ERAP1: variants seen among roughly 807,000 people sequenced by gnomAD.
The protein encoded by ERAP1 is adipocyte-derived leucine aminopeptidase.
In ERAP1, 86 loss-of-function variants were observed where a neutral mutation model predicts 103.7. The observed-to-expected ratio is 0.83, with a 90% CI of 0.70 to 0.99. The LOEUF (loss-of-function observed/expected upper bound fraction) is 0.99, where lower values mean the gene tolerates loss of function less well. Among genes scored for constraint, ERAP1 ranks in the 50% least tolerant of loss-of-function variants. The probability of loss-of-function intolerance (pLI) is 0.00; values close to 1 mark genes in which losing one functional copy is unlikely to be tolerated. For synonymous variants in ERAP1, 398 were observed against 402.4 expected, an observed-to-expected ratio of 0.99 and a Z score of 0.13; for missense variants, 1,009 against 1,128.4, an observed-to-expected ratio of 0.89 and a Z score of 1.52.
the ERAP1 span, chr5:96,822,920 C>CG: frequency 2.7e-6 from 1 of 376,550 alleles, no homozygotes; most frequent in Non-Finnish European, 5.3e-6. Context: ...AGGTGTCATC[C>CG]AGGGATACAG....
chr5:96,803,847 G>C lies in ERAP1; in HGVS notation c.80C>G (p.Ser27Cys). 6.2e-7 allele frequency: 1 copy of C among 1,614,012 alleles called. No homozygotes were observed. Among genetic ancestry groups the C allele is most frequent in the Non-Finnish European group, 8.5e-7 (1 of 1,180,040 alleles). ...LSSLLALLTV[S>C]TPSWCQSTEA... ...AGTGCTCTGACACCATGAAGGAGTG[G>C]ACACAGTTAAGAGAGCCAACAGTGA... The change falls in exon 2 of 19, where the codon TCC (serine) becomes TGC (cysteine). Residue 27 changes from serine to cysteine, a missense_variant. Physicochemically the swap from Ser to Cys is moderately radical, Grantham distance 112 (BLOSUM62 -1). Coordinates refer to ENST00000443439, the MANE Select transcript of ERAP1 (RefSeq NM_001040458.3).
At chr5:96,816,438 C>T in the ERAP1 span, among the ~76,000 whole-genome samples, 1 of 152,170 alleles carries the variant, frequency 6.6e-6, no homozygotes, top group Admixed American at 6.5e-5. Context: ...CCCGCCTCTG[C>T]AGCTAACAGG....
the ERAP1 span, among the ~76,000 whole-genome samples, chr5:96,847,009 TG>T: frequency 6.7e-6 from 1 of 149,544 alleles, no homozygotes; most frequent in African/African-American, 2.5e-5. Context: ...GAGGCTGAGA[TG>T]GATGGATTGC....
chr5:96,763,017 C>A, exon 20 of ERAP1: 1 of 686,612 alleles, frequency 1.5e-6, no homozygotes. Flanking sequence ...ACCAAGGAGA[C>A]CACAGCACAT....
At chr5:96,796,238 G>T (rs1235389875) in intron 4 of ERAP1, among the ~76,000 whole-genome samples, 1 of 152,146 alleles carries the variant, frequency 6.6e-6, no homozygotes, top group Non-Finnish European at 1.5e-5. Context: ...AACACATAAG[G>T]TATCTTCAAA....
chr5:96,806,530 T>C (rs1172326969), intron 1 of ERAP1, among the ~76,000 whole-genome samples: 1 of 152,170 alleles, frequency 6.6e-6, no homozygotes, highest in Non-Finnish European at 1.5e-5. Context: ...GAACCATTCA[T>C]GTAACTTTGC....
At chr5:96,791,956 G>T (rs1776775525) in intron 8 of ERAP1, 105 bp downstream of exon 8, 6 of 1,224,862 alleles carry the variant, frequency 4.9e-6, no homozygotes, top group Non-Finnish European at 3.6e-6. Flanking sequence ...AAGAGAGAAG[G>T]CATTCAATCT....
chr5:96,895,388 A>T, the ERAP1 span: 2 of 1,368,648 alleles, frequency 1.5e-6, no homozygotes, highest in African/African-American at 2.9e-5. Flanking sequence ...GTATCATACT[A>T]TATGGTGTAA....
Position 96,775,682 on chromosome 5 carries a change from G to T in ERAP1, c.*714C>A. The T allele has an allele frequency of 4.4e-6, 1 of 227,614 alleles. No homozygotes were observed. Among genetic ancestry groups the T allele is most frequent in the Non-Finnish European group, 7.3e-6 (1 of 137,092 alleles). The allele number at this position is 227,614 out of a possible 1,614,324, so 14.1% of individuals were successfully genotyped here. On this transcript the variant is annotated 3_prime_UTR_variant, in exon 19 of 19. Coordinates refer to ENST00000443439, the MANE Select transcript of ERAP1 (RefSeq NM_001040458.3). Reference sequence around the variant, plus strand: ...ATCCTGAAGGGATGAGGAGGGAGCAGTTACCAAAATCCAGAGGTGGAGAAG... The same window carrying T: ...ATCCTGAAGGGATGAGGAGGGAGCATTTACCAAAATCCAGAGGTGGAGAAG...
At chr5:96,902,743 G>T in the ERAP1 span, 1 of 167,736 alleles carries the variant, frequency 6.0e-6, no homozygotes, top group Non-Finnish European at 1.3e-5. Context: ...TTAGATGTGT[G>T]ACCTTAAGAA....
the ERAP1 span, among the ~76,000 whole-genome samples, chr5:96,853,714 C>T: frequency 6.6e-6 from 1 of 151,918 alleles, no homozygotes; most frequent in East Asian, 1.9e-4. Flanking sequence ...GAATTTGGAA[C>T]TCACAGTGAA....
the ERAP1 span, among the ~76,000 whole-genome samples, chr5:96,900,505 T>C: frequency 6.6e-6 from 1 of 152,098 alleles, no homozygotes; most frequent in East Asian, 1.9e-4. Flanking sequence ...AATGCCAAAA[T>C]AAGTATGCTG....
At chr5:96,761,433 C>A (rs1215968143) in exon 20 of ERAP1, 1 of 152,132 alleles carries the variant, frequency 6.6e-6, no homozygotes, top group Non-Finnish European at 1.5e-5. Flanking sequence ...TTATAGTTAT[C>A]TAAATTAGTT....
At chr5:96,919,758 A>T in the ERAP1 span, 2 of 152,358 alleles carry the variant, frequency 1.3e-5, no homozygotes, top group Non-Finnish European at 2.9e-5. Context: ...ATGCCAGGCC[A>T]CCAACACCAA....
At chr5:96,828,959 G>A in the ERAP1 span, among the ~76,000 whole-genome samples, 1 of 152,050 alleles carries the variant, frequency 6.6e-6, no homozygotes, top group Non-Finnish European at 1.5e-5. Flanking sequence ...CAATTCTCCT[G>A]CCTCAGCCTC....
At chr5:96,814,054 TCA>T in the ERAP1 span, 1 of 303,368 alleles carries the variant, frequency 3.3e-6, no homozygotes, top group Non-Finnish European at 6.6e-6. Flanking sequence ...ATTTATTAAC[TCA>T]CAGTTTCTGT....
chr5:96,768,237 C>T (rs1442855144), intron 19 of ERAP1, among the ~76,000 whole-genome samples: 1 of 151,998 alleles, frequency 6.6e-6, no homozygotes, highest in Non-Finnish European at 1.5e-5. Flanking sequence ...GCGTGCACCA[C>T]CACACCCAGC....
chr5:96,816,257 G>A, the ERAP1 span, among the ~76,000 whole-genome samples: 11 of 152,162 alleles, frequency 7.2e-5, no homozygotes, highest in Non-Finnish European at 1.2e-4. Flanking sequence ...CTTTCTTAAC[G>A]AATTATACAT....
At chr5:96,912,576 C>G in the ERAP1 span, 3 of 1,358,396 alleles carry the variant, frequency 2.2e-6, no homozygotes, top group African/African-American at 4.5e-5. Flanking sequence ...TTAAAATTGT[C>G]ATAAGAAAAA....
Sources: gnomAD v4.1 joint callset for allele counts (sites outside exome capture counted in the v4.1 genomes callset) on GRCh38, gnomAD v4.1.1 for gene constraint, MANE v1.5 for transcripts, NCBI Gene and HGNC (gene_info 2026-07-23, HGNC 2026-07-21) for gene names.